Variants in UNK observed in about 807,000 individuals in gnomAD.
The protein encoded by UNK is RING finger protein unkempt homolog.
Under a neutral mutation model 97.6 loss-of-function variants are expected in UNK, and 32 were observed. The observed-to-expected ratio is 0.33, with a 90% CI of 0.25 to 0.44. The LOEUF (loss-of-function observed/expected upper bound fraction) is 0.44, where lower values mean the gene tolerates loss of function less well. Among genes scored for constraint, UNK ranks in the 20% least tolerant of loss-of-function variants. The pLI is 1.00. For synonymous variants in UNK, 441 were observed against 461.2 expected (o/e 0.96, Z 0.56); for missense variants, 771 against 1,098.4 (o/e 0.70, Z 4.21).
At chr17:75,785,075 C>G in intron 1 of UNK, 91 bp downstream of exon 1, 1 of 865,892 alleles carries the variant, frequency 1.2e-6, no homozygotes, top group Non-Finnish European at 1.7e-6. Context: ...GCGAGGCGGC[C>G]TCTTCCTCCC....
intron 13 of UNK, chr17:75,821,304 G>A: frequency 2.2e-6 from 1 of 447,156 alleles, no homozygotes; most frequent in South Asian, 1.6e-5. Flanking sequence ...TATTGATACA[G>A]GTGTAAGTGC....
intron 13 of UNK, among the ~76,000 whole-genome samples, chr17:75,822,242 C>T (rs1015765648): frequency 1.3e-5 from 2 of 152,222 alleles, no homozygotes; most frequent in African/African-American, 2.4e-5. Context: ...TGCTGAGCCT[C>T]GGAAGTTGAG....
intron 6 of UNK, 33 bp from the exon 7 acceptor site, chr17:75,815,136 C>T: frequency 6.2e-7 from 1 of 1,603,018 alleles, no homozygotes; most frequent in Non-Finnish European, 8.5e-7. Flanking sequence ...CCCTCAGGGC[C>T]TGAGCCTGAC....
intron 1 of UNK, among the ~76,000 whole-genome samples, chr17:75,791,436 C>T (rs1322180666): frequency 6.6e-6 from 1 of 152,206 alleles, no homozygotes; most frequent in Non-Finnish European, 1.5e-5. Context: ...ACAATAAAAT[C>T]GTGCATGCAT....
chr17:75,812,358 A>T, intron 3 of UNK, 70 bp downstream of exon 3: 2 of 1,580,078 alleles, frequency 1.3e-6, no homozygotes, highest in Non-Finnish European at 1.7e-6. Context: ...GCGGCTAATG[A>T]TGGTGAGTAC....
At chr17:75,796,773 A>T (rs2061809556) in intron 1 of UNK, among the ~76,000 whole-genome samples, 1 of 152,268 alleles carries the variant, frequency 6.6e-6, no homozygotes, top group Admixed American at 6.5e-5. Flanking sequence ...GATTTGCAAA[A>T]ATAAGGAAAG....
chr17:75,815,121 G>C, intron 6 of UNK, 48 bp from the exon 7 acceptor site: 2 of 1,568,756 alleles, frequency 1.3e-6, no homozygotes, highest in Non-Finnish European at 1.7e-6. Context: ...AGCCTGCCCG[G>C]CCTTCCCTCA....
intron 13 of UNK, among the ~76,000 whole-genome samples, chr17:75,820,618 T>A (rs2062058656): frequency 6.6e-6 from 1 of 152,186 alleles, no homozygotes; most frequent in African/African-American, 2.4e-5. Flanking sequence ...GAAGGCTGTT[T>A]GCCCACAGAA....
At chr17:75,796,749 TA>T (rs1340695279) in intron 1 of UNK, among the ~76,000 whole-genome samples, 1 of 152,238 alleles carries the variant, frequency 6.6e-6, no homozygotes, top group Non-Finnish European at 1.5e-5. Flanking sequence ...GAACTGATAA[TA>T]GTTTACCTAT....
intron 13 of UNK, chr17:75,821,594 C>T (rs1331205526): frequency 2.2e-6 from 1 of 456,536 alleles, no homozygotes; most frequent in Middle Eastern, 3.3e-4. Context: ...TCTGTGGGTG[C>T]ACTTGTGTGT....
At chr17:75,800,226 A>G (rs762382864) in intron 1 of UNK, among the ~76,000 whole-genome samples, 9 of 151,822 alleles carry the variant, frequency 5.9e-5, no homozygotes, top group Non-Finnish European at 1.2e-4. Context: ...GCACCACCAC[A>G]CCCGGCTAAT....
At chr17:75,805,453 C>T (rs1382183141) in intron 1 of UNK, among the ~76,000 whole-genome samples, 2 of 149,812 alleles carry the variant, frequency 1.3e-5, no homozygotes, top group Non-Finnish European at 3.0e-5. Flanking sequence ...CAGCATTTAG[C>T]AATACCTATG....
chr17:75,808,054 G>T (rs1190281797), intron 1 of UNK, among the ~76,000 whole-genome samples: 4 of 152,060 alleles, frequency 2.6e-5, no homozygotes, highest in Non-Finnish European at 4.4e-5. Context: ...CCTGGCTCGG[G>T]GCCCAGCTTC....
intron 1 of UNK, among the ~76,000 whole-genome samples, chr17:75,795,480 C>G (rs1423545908): frequency 6.6e-6 from 1 of 152,062 alleles, no homozygotes; most frequent in Non-Finnish European, 1.5e-5. Context: ...GCTGAGATTA[C>G]AGGCACGCGC....
chr17:75,795,290 T>C (rs2061795763), intron 1 of UNK, among the ~76,000 whole-genome samples: 1 of 152,092 alleles, frequency 6.6e-6, no homozygotes, highest in Non-Finnish European at 1.5e-5. Flanking sequence ...CTTTTTCAGG[T>C]TAGCTATGTA....
chr17:75,809,918 T>C lies in UNK; in HGVS notation c.263T>C (p.Val88Ala). Residue 88 changes from valine to alanine, a missense_variant, in exon 2 of 16, where the codon GTC (valine) becomes GCC (alanine). Val to Ala is a moderately conservative substitution (Grantham distance 64, BLOSUM62 0). Around this residue, in one of 5 missense-constraint regions of UNK, gnomAD observed 246 missense variants for 440.7 expected, o/e 0.56. Coordinates refer to ENST00000589666, the MANE Select transcript of UNK (RefSeq NM_001080419.3). Reference sequence around the variant, plus strand: ...GGCACCTTCAATTACAGCCCTGACGTCTACTGCACCAAGTACGACGAGGCT... The same window carrying C: ...GGCACCTTCAATTACAGCCCTGACGCCTACTGCACCAAGTACGACGAGGCT... The part of the protein sequence containing the change: ...RDGTFNYSPD[V>A]YCTKYDEATG... 6.2e-7 allele frequency: 1 copy of C among 1,613,786 alleles called. No individual in the cohort carries two copies. The highest frequency in any genetic ancestry group is 1.1e-5 in the South Asian group (1 of 91,080).
chr17:75,819,495 A>T lies in UNK; in HGVS notation c.1547-189A>T, dbSNP rs1170433056. ...AGGAGAGGCATTTGGGTTGGACATG[A>T]CTGGCAGACGGTGTCAGAAGTCAGG... On this transcript the variant is annotated intron_variant, in intron 11 of 15. Coordinates refer to ENST00000589666, the MANE Select transcript of UNK (RefSeq NM_001080419.3). This position sits in a 1 kb window ranked among gnomAD's most constrained non-coding sequence, Gnocchi z 5.4. The T allele has an allele frequency of 1.7e-6, 1 of 603,254 alleles. No homozygotes were observed. The highest frequency in any genetic ancestry group is 1.9e-5 in the African/African-American group (1 of 53,984). The allele number at this position is 603,254 out of a possible 1,614,324, so 37.4% of individuals were successfully genotyped here. A position where few individuals can be genotyped will look rare whatever the true frequency, so the allele number is the denominator to read the frequency against.
In UNK at chr17:75,817,756, A is replaced by G. The variant is rs1272409335; in HGVS notation, c.1305+230A>G. ...CCCCTGGGCTGCAGAGCTGGTTAGGAGAGGAGCCAGATCCCGCCTGGGTGC... is the reference window on the plus strand; with the variant it reads ...CCCCTGGGCTGCAGAGCTGGTTAGGGGAGGAGCCAGATCCCGCCTGGGTGC... On this transcript the variant is annotated intron_variant, in intron 9 of 15. Transcript: ENST00000589666. This position sits in a 1 kb window ranked among gnomAD's most constrained non-coding sequence, Gnocchi z 5.8. Among the ~76,000 whole-genome samples, 1 of 152,080 alleles carries G rather than the reference A, an allele frequency of 6.6e-6. No individual in the cohort carries two copies. Among genetic ancestry groups the G allele is most frequent in the African/African-American group, 2.4e-5 (1 of 41,394 alleles).
In UNK at chr17:75,823,470, C is replaced by G; in HGVS notation, c.2225C>G (p.Thr742Ser). ...GACCTGGAGGCGCTCTCACTCTCCACCCTCTACTCCCTCCAGAAACAACTG... is the reference window on the plus strand; with the variant it reads ...GACCTGGAGGCGCTCTCACTCTCCAGCCTCTACTCCCTCCAGAAACAACTG... Reference protein sequence around the residue: ...FSDLEALSLSTLYSLQKQLRA... With the variant: ...FSDLEALSLSSLYSLQKQLRA... The change falls in exon 15 of 16, where the codon ACC becomes AGC. Residue 742 changes from threonine to serine, a missense_variant. Physicochemically the swap from Thr to Ser is moderately conservative, Grantham distance 58 (BLOSUM62 1). Around this residue, in one of 5 missense-constraint regions of UNK, gnomAD observed 208 missense variants for 257.4 expected, o/e 0.81. Coordinates refer to ENST00000589666, the MANE Select transcript of UNK (RefSeq NM_001080419.3). The G allele has an allele frequency of 1.9e-6, 3 of 1,574,266 alleles. No homozygotes were observed. Among genetic ancestry groups the G allele is most frequent in the Non-Finnish European group, 2.6e-6 (3 of 1,155,576 alleles).
Sources: gnomAD v4.1 joint callset for allele counts (sites outside exome capture counted in the v4.1 genomes callset) on GRCh38, gnomAD v4.1.1 for gene constraint, gnomAD v4.1.1 regional missense constraint, Gnocchi (gnomAD v3.1) non-coding constraint, MANE v1.5 for transcripts, NCBI Gene and HGNC (gene_info 2026-07-23, HGNC 2026-07-21) for gene names.